IL1RAP: variants seen among roughly 807,000 people sequenced by gnomAD.
IL1RAP encodes interleukin-1 receptor accessory protein.
In IL1RAP, 35 loss-of-function variants were observed where a neutral mutation model predicts 60.7. That is an observed-to-expected ratio of 0.58 (90% confidence interval 0.44 to 0.76). The LOEUF (loss-of-function observed/expected upper bound fraction) is 0.76. IL1RAP is among the 30% of genes least tolerant of loss of function. The pLI is 0.00. For synonymous variants in IL1RAP, 268 were observed against 250.9 expected (o/e 1.07, Z -0.64); for missense variants, 572 against 693.9 (o/e 0.82, Z 1.97).
At chr3:190,637,030 A>C (rs1201471909) in intron 9 of IL1RAP, among the ~76,000 whole-genome samples, 1 of 152,104 alleles carries the variant, frequency 6.6e-6, no homozygotes, top group Non-Finnish European at 1.5e-5. Context: ...ATCACTTTAC[A>C]TATTTTATGA....
At chr3:190,572,646 T>C (rs1429845368) in intron 3 of IL1RAP, among the ~76,000 whole-genome samples, 1 of 152,190 alleles carries the variant, frequency 6.6e-6, no homozygotes, top group African/African-American at 2.4e-5. Context: ...CCCCCCTTTT[T>C]TTCCTGAGCT....
intron 3 of IL1RAP, chr3:190,564,735 A>C (rs867085141): frequency 1.5e-4 from 32 of 218,342 alleles, no homozygotes; most frequent in African/African-American, 6.5e-4. Flanking sequence ...TATCAGTGGT[A>C]ATAATCCATT....
intron 1 of IL1RAP, among the ~76,000 whole-genome samples, chr3:190,528,003 CAA>C (rs1319740622): frequency 1.3e-5 from 2 of 151,824 alleles, no homozygotes; most frequent in African/African-American, 4.8e-5. Flanking sequence ...TTTTAAATGG[CAA>C]GTTTCAATAT....
At chr3:190,644,828 A>T (rs531369368) in intron 10 of IL1RAP, among the ~76,000 whole-genome samples, 1 of 152,314 alleles carries the variant, frequency 6.6e-6, no homozygotes, top group African/African-American at 2.4e-5. Context: ...AATGTATTCT[A>T]CTTTATCCTT....
intron 3 of IL1RAP, among the ~76,000 whole-genome samples, chr3:190,587,557 G>A (rs1346221253): frequency 1.3e-5 from 2 of 152,196 alleles, no homozygotes; most frequent in Non-Finnish European, 2.9e-5. Context: ...ACTACAAGAT[G>A]TATCTCAGGA....
downstream of IL1RAP, chr3:190,656,403 G>C: frequency 1.3e-6 from 2 of 1,537,228 alleles, no homozygotes; most frequent in African/African-American, 1.4e-5. Context: ...GTGAAGGAGA[G>C]AATCACCTTA....
chr3:190,634,937 G>T lies in IL1RAP; in HGVS notation c.1051+5439G>T, dbSNP rs570956182. Among the ~76,000 whole-genome samples, 3 of 152,150 alleles carry T rather than the reference G, an allele frequency of 2.0e-5. No individual in the cohort carries two copies. In the East Asian group the frequency reaches 5.8e-4, roughly 29 times the overall value. ...TCACTGTGTTAACCAGGATGGTCTC[G>T]ATCTCCTGACCTTGTGATCCGCCCG... On this transcript the variant is annotated intron_variant, in intron 9 of 11. Transcript: ENST00000447382.
chr3:190,648,384 C>G lies in IL1RAP; in HGVS notation c.1392C>G (p.Leu464=). ...GCTTCATTCAGAAAAGCAGACGCCT[C>G]CTGGTTGTTCTAAGCCCCAACTACG... The part of the protein sequence containing the change: ...TLSFIQKSRR[L]LVVLSPNYVL... Residue 464 remains leucine, a synonymous_variant, in exon 12 of 12, where the codon CTC becomes CTG. Coordinates refer to ENST00000447382, the MANE Select transcript of IL1RAP (RefSeq NM_002182.4). 6.2e-7 allele frequency: 1 copy of G among 1,608,852 alleles called. No homozygotes were observed. The highest frequency in any genetic ancestry group is 1.3e-5 in the African/African-American group (1 of 74,500).
At chr3:190,542,922 G>A (rs1246858221) in intron 1 of IL1RAP, among the ~76,000 whole-genome samples, 2 of 148,924 alleles carry the variant, frequency 1.3e-5, no homozygotes, top group Non-Finnish European at 3.0e-5. Flanking sequence ...CAGGCTCAGG[G>A]GAGTTCACCC....
chr3:190,624,699 C>A, intron 7 of IL1RAP: 1 of 212,940 alleles, frequency 4.7e-6, no homozygotes. Flanking sequence ...ATGCATCCTC[C>A]ACTTGACACA....
At chr3:190,540,868 A>T (rs1336568084) in intron 1 of IL1RAP, among the ~76,000 whole-genome samples, 1 of 152,144 alleles carries the variant, frequency 6.6e-6, no homozygotes, top group Non-Finnish European at 1.5e-5. Flanking sequence ...TCACTCTTTT[A>T]TGAAGCCAAA....
chr3:190,649,439 A>C lies in IL1RAP; in HGVS notation c.*734A>C, dbSNP rs2108867244. 1.0e-6 allele frequency: 1 copy of C among 985,568 alleles called. No individual in the cohort carries two copies. The highest frequency in any genetic ancestry group is 1.2e-6 in the Non-Finnish European group (1 of 829,726). 61.1% of individuals were successfully genotyped at this position (985,568 alleles called of 1,614,324 possible). On this transcript the variant is annotated 3_prime_UTR_variant, in exon 12 of 12. Coordinates refer to ENST00000447382, the MANE Select transcript of IL1RAP (RefSeq NM_002182.4). ...CCACATTTTTTCATTCCTTCTCCCT[A>C]TCTGCTTATATCGCATTGCTCATTT...
At chr3:190,606,128 G>A (rs1730305167) in intron 4 of IL1RAP, among the ~76,000 whole-genome samples, 1 of 152,136 alleles carries the variant, frequency 6.6e-6, no homozygotes, top group African/African-American at 2.4e-5. Context: ...GTCCTTCTGA[G>A]GCTTTCATTG....
At chr3:190,545,460 T>C (rs1019071839) in intron 1 of IL1RAP, among the ~76,000 whole-genome samples, 7 of 152,212 alleles carry the variant, frequency 4.6e-5, no homozygotes, top group African/African-American at 1.7e-4. Context: ...CAGCAGGCAT[T>C]CGCATCCTTT....
chr3:190,599,631 T>G (rs1729680632), intron 3 of IL1RAP, among the ~76,000 whole-genome samples: 1 of 151,926 alleles, frequency 6.6e-6, no homozygotes, highest in African/African-American at 2.4e-5. Context: ...TAGAAGGTTG[T>G]ATACTTCAGT....
intron 9 of IL1RAP, chr3:190,629,806 AG>A (rs1732628964): frequency 4.8e-6 from 5 of 1,042,908 alleles, no homozygotes; most frequent in Middle Eastern, 4.4e-4. Context: ...AAATATTCAA[AG>A]CTACCAAAGA....
intron 2 of IL1RAP, among the ~76,000 whole-genome samples, chr3:190,556,714 C>A (rs770338202): frequency 3.5e-4 from 54 of 152,258 alleles, no homozygotes; most frequent in Non-Finnish European, 4.6e-4. Flanking sequence ...GCAAGTTTTG[C>A]CAAATACTCA....
chr3:190,579,383 G>T (rs116130540), intron 3 of IL1RAP, among the ~76,000 whole-genome samples: 1,537 of 152,196 alleles, frequency 0.01, 25 homozygotes, highest in African/African-American at 0.034. Flanking sequence ...TATATTATTT[G>T]ATCTTAGAAT....
At chr3:190,580,472 C>A (rs1727895688) in intron 3 of IL1RAP, among the ~76,000 whole-genome samples, 1 of 152,122 alleles carries the variant, frequency 6.6e-6, no homozygotes, top group Non-Finnish European at 1.5e-5. Flanking sequence ...TGTCAGTCAG[C>A]CCTAAGAAAG....
Sources: allele counts gnomAD v4.1 joint callset (sites outside exome capture counted in the v4.1 genomes callset), GRCh38; gene constraint gnomAD v4.1.1; transcripts MANE v1.5; gene names NCBI Gene and HGNC (gene_info 2026-07-23, HGNC 2026-07-21).